CDH9: variants seen among roughly 807,000 people sequenced by gnomAD.
CDH9 encodes cadherin 9, also known as cadherin-9.
In CDH9, 28 loss-of-function variants were observed where a neutral mutation model predicts 70.9. The observed-to-expected ratio is 0.40, with a 90% CI of 0.29 to 0.54. The LOEUF (loss-of-function observed/expected upper bound fraction) is 0.54. Ranked by LOEUF, CDH9 falls within the 20% of genes least tolerant of loss-of-function variation. The pLI is 0.59. For synonymous variants in CDH9, 409 were observed against 343.1 expected (o/e 1.19, Z -2.12); for missense variants, 874 against 984.4 (o/e 0.89, Z 1.50).
intron 2 of CDH9, among the ~76,000 whole-genome samples, chr5:26,920,118 T>C (rs1026497219): frequency 2.0e-5 from 3 of 151,970 alleles, no homozygotes; most frequent in Admixed American, 6.6e-5. Flanking sequence ...ACAGCATTTC[T>C]GAACCTGCCT....
Position 26,903,738 on chromosome 5 carries a change from T to G in CDH9, c.898A>C (p.Asn300His), listed in dbSNP as rs1231083351. The change falls in exon 6 of 12, where the codon AAT (asparagine) becomes CAT (histidine). Residue 300 changes from asparagine to histidine, a missense_variant. Physicochemically the swap from Asn to His is moderately conservative, Grantham distance 68 (BLOSUM62 1). Transcript: ENST00000231021. ...IKANDPDVGE[N>H]AEMEYSIAEG... The stretch of plus-strand genomic sequence containing the variant: ...GCAATGCTATACTCCATTTCTGCAT[T>G]TTCCCCCACGTCAGGGTCATTGGCT... The G allele has an allele frequency of 6.2e-7, 1 of 1,607,612 alleles. No homozygotes were observed. The highest frequency in any genetic ancestry group is 1.1e-5 in the South Asian group (1 of 90,184).
intron 7 of CDH9, 67 bp downstream of exon 7, chr5:26,902,407 TCA>T (rs1237452782): frequency 9.4e-7 from 1 of 1,061,474 alleles, no homozygotes; most frequent in Admixed American, 2.1e-5. Flanking sequence ...AACCATTTTT[TCA>T]CACAGTTTGT....
chr5:27,002,570 C>G (rs2112107101), intron 1 of CDH9, among the ~76,000 whole-genome samples: 1 of 152,208 alleles, frequency 6.6e-6, no homozygotes, highest in Non-Finnish European at 1.5e-5. Context: ...CACATATACA[C>G]CATGGAATAC....
At chr5:26,947,915 G>A (rs1240981791) in intron 2 of CDH9, among the ~76,000 whole-genome samples, 5 of 152,156 alleles carry the variant, frequency 3.3e-5, no homozygotes, top group African/African-American at 9.7e-5. Flanking sequence ...ATGTAGGGTT[G>A]CCTTGCTCTT....
At chr5:26,957,609 C>T (rs906452323) in intron 2 of CDH9, among the ~76,000 whole-genome samples, 14 of 152,002 alleles carry the variant, frequency 9.2e-5, no homozygotes, top group African/African-American at 3.4e-4. Flanking sequence ...TTGCAGTGAG[C>T]TGAGATCATG....
intron 2 of CDH9, among the ~76,000 whole-genome samples, chr5:26,922,147 G>A (rs1295782698): frequency 6.7e-6 from 1 of 150,328 alleles, no homozygotes; most frequent in Middle Eastern, 3.5e-3. Flanking sequence ...AGGAGAGAGA[G>A]ATGAGAGTAG....
At chr5:27,002,915 T>C (rs1239502635) in intron 1 of CDH9, among the ~76,000 whole-genome samples, 4 of 150,668 alleles carry the variant, frequency 2.7e-5, no homozygotes, top group Non-Finnish European at 5.9e-5. Context: ...ACTTAAAGTA[T>C]AATAAAAAAA....
At chr5:26,972,388 C>A (rs1461825240) in intron 2 of CDH9, among the ~76,000 whole-genome samples, 1 of 152,088 alleles carries the variant, frequency 6.6e-6, no homozygotes, top group African/African-American at 2.4e-5. Context: ...ATCTGTTTTT[C>A]TGGAAACTAT....
intron 1 of CDH9, among the ~76,000 whole-genome samples, chr5:26,994,383 C>G (rs1272236480): frequency 6.6e-6 from 1 of 152,018 alleles, no homozygotes; most frequent in Non-Finnish European, 1.5e-5. Flanking sequence ...ATCTTAACCC[C>G]CAGACTGATA....
chr5:27,007,258 G>A (rs532743037), intron 1 of CDH9, among the ~76,000 whole-genome samples: 10 of 152,188 alleles, frequency 6.6e-5, no homozygotes, highest in East Asian at 1.9e-4. Context: ...CAGAGCTTCT[G>A]TCTTAAGTTA....
chr5:26,962,384 T>C (rs974658792), intron 2 of CDH9, among the ~76,000 whole-genome samples: 2 of 152,176 alleles, frequency 1.3e-5, no homozygotes, highest in African/African-American at 4.8e-5. Flanking sequence ...TTCTAGATCC[T>C]TGAGGAATCG....
chr5:27,031,047 C>G (rs746388322), intron 1 of CDH9, among the ~76,000 whole-genome samples: 1 of 151,080 alleles, frequency 6.6e-6, no homozygotes, highest in Non-Finnish European at 1.5e-5. Flanking sequence ...TTATTTAATA[C>G]GTTTAAATTT....
intron 1 of CDH9, among the ~76,000 whole-genome samples, chr5:26,989,760 G>A (rs1413187046): frequency 6.6e-6 from 1 of 152,014 alleles, no homozygotes; most frequent in African/African-American, 2.4e-5. Flanking sequence ...ATTCAGTAAT[G>A]GGAATAACAA....
Position 26,993,385 on chromosome 5 carries a change from T to C in CDH9, c.-49-5003A>G, listed in dbSNP as rs186198231. ...GAAGGAGCATATTGGCTTCTCTTTA[T>C]AGTAAAATGTGAGACACAAAAATTA... On this transcript the variant is annotated intron_variant, in intron 1 of 11. Coordinates refer to ENST00000231021, the MANE Select transcript of CDH9 (RefSeq NM_016279.4). Among the ~76,000 whole-genome samples the C allele has an allele frequency of 1.6e-3, 240 of 152,282 alleles. 2 individuals are homozygous for C. Among genetic ancestry groups the C allele is most frequent in the African/African-American group, 5.6e-3 (231 of 41,550 alleles).
chr5:26,937,691 C>A (rs1044816430), intron 2 of CDH9, among the ~76,000 whole-genome samples: 11 of 152,120 alleles, frequency 7.2e-5, no homozygotes, highest in Admixed American at 7.2e-4. Context: ...AAATTAAATT[C>A]ATGTTGCTAA....
intron 2 of CDH9, among the ~76,000 whole-genome samples, chr5:26,948,790 C>CA (rs35511470): frequency 6.6e-6 from 1 of 151,926 alleles, no homozygotes; most frequent in South Asian, 2.1e-4. Context: ...CAATGGGTGA[C>CA]AAAAAAGGCT....
rs144078842 is a variant in CDH9 at position 26,964,194 on chromosome 5, T to TACAC, written c.228+23908_228+23911dup. ...GAAAGCAAGACTCTATGCTGATTAA[T>TACAC]ACACACACACACACACACATACACA... On this transcript the variant is annotated intron_variant, in intron 2 of 11. Transcript: ENST00000231021. Among the ~76,000 whole-genome samples the TACAC allele has an allele frequency of 3.8e-3, 570 of 150,034 alleles. 6 individuals are homozygous for TACAC. Among genetic ancestry groups the TACAC allele is most frequent in the African/African-American group, 0.013 (519 of 41,094 alleles).
chr5:27,026,383 A>T (rs564476949), intron 1 of CDH9, among the ~76,000 whole-genome samples: 2 of 151,970 alleles, frequency 1.3e-5, no homozygotes, highest in African/African-American at 4.8e-5. Flanking sequence ...GCTACCCAAA[A>T]TGGTATGTGT....
intron 2 of CDH9, among the ~76,000 whole-genome samples, chr5:26,976,505 T>C (rs1302418268): frequency 6.6e-6 from 1 of 152,126 alleles, no homozygotes; most frequent in Non-Finnish European, 1.5e-5. Context: ...TGGTGCGATC[T>C]TGGCTGACGG....
Sources: allele counts gnomAD v4.1 joint callset (sites outside exome capture counted in the v4.1 genomes callset), GRCh38; gene constraint gnomAD v4.1.1; transcripts MANE v1.5; gene names NCBI Gene and HGNC (gene_info 2026-07-23, HGNC 2026-07-21).